Variants in DGKH observed in about 807,000 individuals in gnomAD.
The protein encoded by DGKH is DAG kinase eta.
A neutral mutation model predicts 159.3 loss-of-function variants in DGKH; 90 were observed. The ratio of observed to expected loss-of-function variants is 0.57; its 90% CI spans 0.48 to 0.67. The LOEUF (loss-of-function observed/expected upper bound fraction) is 0.67. Ranked by LOEUF, DGKH falls within the 30% of genes least tolerant of loss-of-function variation. The pLI, the probability that DGKH is intolerant of heterozygous loss-of-function variation, is 0.00. For missense variants in DGKH, 1,181 were observed against 1,506.1 expected (o/e 0.78, Z 3.57); for synonymous variants, 536 against 553.8 (o/e 0.97, Z 0.45).
At chr13:42,144,185 A>T (rs1432135361) in intron 3 of DGKH, among the ~76,000 whole-genome samples, 3 of 152,172 alleles carry the variant, frequency 2.0e-5, no homozygotes, top group African/African-American at 7.2e-5. Context: ...AACCTCCTTG[A>T]AAGCCAGAAT....
intron 3 of DGKH, among the ~76,000 whole-genome samples, chr13:42,132,537 G>T (rs619659): frequency 6.6e-6 from 1 of 151,988 alleles, no homozygotes; most frequent in Non-Finnish European, 1.5e-5. Flanking sequence ...TGGCCCTTCA[G>T]CTGGGCTTGT....
intron 6 of DGKH, among the ~76,000 whole-genome samples, chr13:42,159,584 T>TTCAACAAC (rs1956128162): frequency 1.3e-5 from 2 of 152,184 alleles, no homozygotes; most frequent in Non-Finnish European, 2.9e-5. Context: ...GGCTTAGAAG[T>TTCAACAAC]GGCCGTTGTG....
At chr13:42,045,974 G>A (rs1299718033), upstream of DGKH, among the ~76,000 whole-genome samples, 1 of 152,186 alleles carries the variant, frequency 6.6e-6, no homozygotes, top group Non-Finnish European at 1.5e-5. Flanking sequence ...TCTAATAGGT[G>A]TTCTTTGTTT....
chr13:42,094,404 AT>A (rs921999963), intron 1 of DGKH, among the ~76,000 whole-genome samples: 29 of 152,136 alleles, frequency 1.9e-4, no homozygotes, highest in African/African-American at 2.7e-4. Context: ...TTAAATATAC[AT>A]TTTTTTCAAT....
At chr13:42,159,913 A>G (rs2137975105) in intron 6 of DGKH, 98 bp from the exon 7 acceptor site, 1 of 1,564,726 alleles carries the variant, frequency 6.4e-7, no homozygotes, top group Non-Finnish European at 8.7e-7. Flanking sequence ...GAAACGTACT[A>G]CTGACCCTCT....
chr13:42,064,820 C>T (rs977311701), intron 1 of DGKH, among the ~76,000 whole-genome samples: 7 of 151,916 alleles, frequency 4.6e-5, no homozygotes, highest in South Asian at 2.1e-4. Flanking sequence ...ATACAAAGAC[C>T]GTTTTACTTA....
chr13:42,148,485 C>G (rs1321584497), intron 3 of DGKH, among the ~76,000 whole-genome samples: 1 of 152,144 alleles, frequency 6.6e-6, no homozygotes, highest in East Asian at 1.9e-4. Context: ...CTATGCACAG[C>G]AGCCTCACTG....
chr13:42,151,515 GTATATATATACACGTGTA>G (rs1566134443), intron 3 of DGKH, among the ~76,000 whole-genome samples: 1 of 100,960 alleles, frequency 9.9e-6, no homozygotes, highest in Admixed American at 1.1e-4. Context: ...GTATACACAT[GTATATATATACACGTGTA>G]TATATATATA....
At position 42,174,107 on chromosome 13, in the gene DGKH, T is replaced by A. The variant is rs760031497; in HGVS notation, c.1415T>A (p.Leu472Gln). ...CTCAAATTGCCACCAAAAGCTTCCC[T>A]ACTTCCAGGACCTCCAGAAGCATCT... ...YELKLPPKAS[L>Q]LPGPPEASEE... The change falls in exon 12 of 30, where the codon CTA becomes CAA. Residue 472 changes from leucine (L) to glutamine (Q), a missense_variant. Leu to Gln is a moderately radical substitution (Grantham distance 113). Around this residue, in one of 5 missense-constraint regions of DGKH, gnomAD observed 369 missense variants for 519.4 expected, o/e 0.71. Coordinates refer to ENST00000337343, the MANE Select transcript of DGKH (RefSeq NM_178009.5). 6.2e-7 allele frequency: 1 copy of A among 1,613,912 alleles called. No individual in the cohort carries two copies. The highest frequency in any genetic ancestry group is 2.2e-5 in the East Asian group (1 of 44,874).
chr13:42,058,906 A>G (rs1881944654), intron 1 of DGKH, among the ~76,000 whole-genome samples: 1 of 152,216 alleles, frequency 6.6e-6, no homozygotes, highest in East Asian at 1.9e-4. Context: ...GAATCCCATT[A>G]GCCACATTGG....
At chr13:42,198,738 T>C (rs1182129961) in intron 18 of DGKH, 143 bp downstream of exon 18, 3 of 772,786 alleles carry the variant, frequency 3.9e-6, no homozygotes, top group Non-Finnish European at 4.2e-6. Context: ...CAAAAGTTGA[T>C]AATGCCAAGC....
chr13:42,062,106 A>G (rs1292923984), intron 1 of DGKH, among the ~76,000 whole-genome samples: 1 of 152,074 alleles, frequency 6.6e-6, no homozygotes, highest in Non-Finnish European at 1.5e-5. Flanking sequence ...ATGTATGCAG[A>G]TATCTGGGCT....
At chr13:42,074,728 A>G (rs9532986) in intron 1 of DGKH, among the ~76,000 whole-genome samples, 37,521 of 151,832 alleles carry the variant, frequency 0.25, 5,201 homozygotes, top group Admixed American at 0.35. Flanking sequence ...TATAGATCCT[A>G]TTTATGTGCT....
At chr13:42,184,269 A>G (rs1298492729) in intron 13 of DGKH, among the ~76,000 whole-genome samples, 2 of 152,172 alleles carry the variant, frequency 1.3e-5, no homozygotes, top group Non-Finnish European at 2.9e-5. Context: ...CTGCCAATCT[A>G]TGATTCTGTC....
At chr13:42,248,548 TA>T (rs1225411171) in intron 29 of DGKH, among the ~76,000 whole-genome samples, 1 of 147,242 alleles carries the variant, frequency 6.8e-6, no homozygotes, top group Non-Finnish European at 1.5e-5. Flanking sequence ...TTATTTAAAT[TA>T]TATTGTTTAA....
chr13:42,188,896 C>A, intron 14 of DGKH, 140 bp from the exon 15 acceptor site: 1 of 950,474 alleles, frequency 1.1e-6, no homozygotes, highest in Non-Finnish European at 1.5e-6. Flanking sequence ...AAAACATCTA[C>A]AAAATTAAAG....
rs182288771 is a variant in DGKH at position 42,151,465 on chromosome 13, A to G, written c.385-3826A>G. ...ATGATTTTATTCTTTTTTGTGACTG[A>G]GTAGTATTCCATGGTGTGTGTGTGT... On this transcript the variant is annotated intron_variant, in intron 3 of 29. Coordinates refer to ENST00000337343, the MANE Select transcript of DGKH (RefSeq NM_178009.5). 6.3e-4 allele frequency among the ~76,000 whole-genome samples: 89 copies of G among 140,164 alleles called. 1 individual carries two copies. The highest frequency in any genetic ancestry group is 1.5e-3 in the South Asian group (6 of 4,116). The allele number at this position is 140,164 out of a possible 152,430, so 92.0% of individuals were successfully genotyped here.
chr13:42,249,745 C>T (rs1470992286), intron 29 of DGKH, among the ~76,000 whole-genome samples: 2 of 152,174 alleles, frequency 1.3e-5, no homozygotes, highest in East Asian at 3.8e-4. Context: ...AGAGCTAGTT[C>T]AACAGTTTCC....
chr13:42,106,710 A>G (rs1188658174), intron 1 of DGKH, among the ~76,000 whole-genome samples: 1 of 152,182 alleles, frequency 6.6e-6, no homozygotes, highest in African/African-American at 2.4e-5. Flanking sequence ...TTCTCCTCAT[A>G]CTGTAATACA....
Sources: gnomAD v4.1 joint callset for allele counts (sites outside exome capture counted in the v4.1 genomes callset) on GRCh38, gnomAD v4.1.1 for gene constraint, gnomAD v4.1.1 regional missense constraint, MANE v1.5 for transcripts, NCBI Gene and HGNC (gene_info 2026-07-23, HGNC 2026-07-21) for gene names.